ANXA7: variants seen among roughly 807,000 people sequenced by gnomAD.
ANXA7 encodes annexin A7.
ANXA7 carries 55 observed loss-of-function variants against 64.9 expected under a neutral mutation model. The observed-to-expected ratio is 0.85, with a 90% CI of 0.68 to 1.06. The LOEUF is 1.06. Ranked by LOEUF, ANXA7 falls within the 50% of genes least tolerant of loss-of-function variation. ANXA7 has a pLI of 0.00. For missense variants in ANXA7, 548 were observed against 582.1 expected, an observed-to-expected ratio of 0.94 and a Z score of 0.60; for synonymous variants, 200 against 192.4, an observed-to-expected ratio of 1.04 and a Z score of -0.33.
rs1435766139 is a variant in ANXA7 at position 73,398,127 on chromosome 10, G to A, written c.259+54C>T. ...GGAATGAAGAGGATAAAGGGAGAAG[G>A]AAAAAGTGCTACAGCAATCCCAATC... On this transcript the variant is annotated intron_variant, in intron 3 of 12. Transcript: ENST00000372921. The A allele has an allele frequency of 7.8e-6, 12 of 1,545,306 alleles. No individual in the cohort carries two copies. In the East Asian group the frequency reaches 1.8e-4, roughly 23 times the overall value.
chr10:73,382,338 CT>C (rs974086938), intron 9 of ANXA7, among the ~76,000 whole-genome samples: 6 of 151,814 alleles, frequency 4.0e-5, no homozygotes, highest in Non-Finnish European at 5.9e-5. Context: ...TGCTTCTTTT[CT>C]TTTTTTCTTT....
chr10:73,391,147 C>T (rs2055475387), intron 5 of ANXA7, among the ~76,000 whole-genome samples: 1 of 141,418 alleles, frequency 7.1e-6, no homozygotes, highest in Non-Finnish European at 1.5e-5. Flanking sequence ...TCTAGCCTGG[C>T]AACAGAGTGA....
At chr10:73,407,178 G>A (rs2055770880) in intron 1 of ANXA7, among the ~76,000 whole-genome samples, 1 of 152,200 alleles carries the variant, frequency 6.6e-6, no homozygotes, top group African/African-American at 2.4e-5. Flanking sequence ...CTGGGTTCAA[G>A]CGATTCTCCT....
intron 1 of ANXA7, among the ~76,000 whole-genome samples, chr10:73,404,737 A>G (rs1257090082): frequency 6.6e-6 from 1 of 151,296 alleles, no homozygotes; most frequent in African/African-American, 2.4e-5. Context: ...TATCTTTTGC[A>G]TTTGAAGAAA....
intron 5 of ANXA7, among the ~76,000 whole-genome samples, chr10:73,393,941 C>G (rs1476544416): frequency 6.6e-6 from 1 of 152,056 alleles, no homozygotes; most frequent in Non-Finnish European, 1.5e-5. Context: ...AATGGGAGAA[C>G]ATTTTTGCAA....
At chr10:73,412,824 T>C (rs1465205171) in intron 1 of ANXA7, among the ~76,000 whole-genome samples, 1 of 147,906 alleles carries the variant, frequency 6.8e-6, no homozygotes, top group African/African-American at 2.6e-5. Context: ...AAACATTCTC[T>C]GTTAGCAATC....
rs1029622108 is a variant in ANXA7, at chr10:73,410,459, C to T, written c.-2+3553G>A. ...CAAATTAACCACAATGAGATACCAC[C>T]GTGCTCCTACAGGAATGGTTATTCT... On this transcript the variant is annotated intron_variant, in intron 1 of 12. Coordinates refer to ENST00000372921, the MANE Select transcript of ANXA7 (RefSeq NM_001156.5). Among the ~76,000 whole-genome samples the T allele has an allele frequency of 3.9e-5, 6 of 152,112 alleles. No homozygotes were observed. In the South Asian group the frequency reaches 6.2e-4, roughly 16 times the overall value.
At chr10:73,398,148 C>A in intron 3 of ANXA7, 33 bp downstream of exon 3, 1 of 1,586,278 alleles carries the variant, frequency 6.3e-7, no homozygotes, top group Non-Finnish European at 8.6e-7. Context: ...ACAGCAATCC[C>A]AATCATTACT....
chr10:73,376,318 G>A, intron 12 of ANXA7, 101 bp from the exon 13 acceptor site: 2 of 1,177,474 alleles, frequency 1.7e-6, no homozygotes, highest in Non-Finnish European at 1.1e-6. Context: ...ATCAAAACTT[G>A]GGGGGGAAAA....
intron 12 of ANXA7, among the ~76,000 whole-genome samples, chr10:73,377,948 T>C (rs1290082825): frequency 1.3e-5 from 2 of 149,382 alleles, no homozygotes; most frequent in African/African-American, 5.1e-5. Flanking sequence ...CGTGTGTTTT[T>C]TGTAGAAATA....
Position 73,398,178 on chromosome 10 carries a change from C to T in ANXA7, c.259+3G>A. On this transcript the variant is annotated splice_donor_region_variant and intron_variant, in intron 3 of 12. Transcript: ENST00000372921. ...ATTACTAATTCCGCAACCCGTAACT[C>T]ACCTCCGGGATAGGATGGAGCTCCC... 1 of 1,606,296 alleles carries T rather than the reference C, an allele frequency of 6.2e-7. No individual in the cohort carries two copies. Among genetic ancestry groups the T allele is most frequent in the South Asian group, 1.1e-5 (1 of 90,900 alleles).
At chr10:73,394,164 T>C (rs1286271456) in intron 5 of ANXA7, among the ~76,000 whole-genome samples, 3 of 151,968 alleles carry the variant, frequency 2.0e-5, no homozygotes, top group African/African-American at 4.8e-5. Flanking sequence ...CAATGAGATA[T>C]CATCTCACAC....
At chr10:73,381,981 C>A (rs566647097) in intron 9 of ANXA7, among the ~76,000 whole-genome samples, 1 of 151,896 alleles carries the variant, frequency 6.6e-6, no homozygotes, top group Non-Finnish European at 1.5e-5. Flanking sequence ...CGGGTTCAAG[C>A]GATTCTGCTG....
At position 73,398,194 on chromosome 10, in the gene ANXA7, T is replaced by C; in HGVS notation, c.246A>G (p.Pro82=). The change falls in exon 3 of 13, where the codon CCA becomes CCG. Residue 82 remains proline (P), a synonymous_variant. Transcript: ENST00000372921. Reference sequence around the variant, plus strand: ...CCCGTAACTCACCTCCGGGATAGGATGGAGCTCCCCCTGGCTGTGGGGCAC... The same window carrying C: ...CCCGTAACTCACCTCCGGGATAGGACGGAGCTCCCCCTGGCTGTGGGGCAC... The part of the protein sequence containing the change: ...YPGAPQPGGA[P]SYPGVPPGQG... 1 of 1,612,036 alleles carries C rather than the reference T, an allele frequency of 6.2e-7. No homozygotes were observed.
At chr10:73,401,267 C>CACACACACA (rs1554818179) in intron 1 of ANXA7, among the ~76,000 whole-genome samples, 4,495 of 147,578 alleles carry the variant, frequency 0.03, 222 homozygotes, top group African/African-American at 0.11. Flanking sequence ...ATACACAACA[C>CACACACACA]ACACACACAC....
intron 9 of ANXA7, among the ~76,000 whole-genome samples, chr10:73,381,003 T>C (rs2055266267): frequency 6.6e-6 from 1 of 152,076 alleles, no homozygotes; most frequent in Non-Finnish European, 1.5e-5. Context: ...GGATATAATA[T>C]GGAGGCTTCA....
At chr10:73,399,781 C>G (rs1203961002) in intron 2 of ANXA7, among the ~76,000 whole-genome samples, 1 of 151,586 alleles carries the variant, frequency 6.6e-6, no homozygotes, top group Non-Finnish European at 1.5e-5. Flanking sequence ...GAGATCACAC[C>G]ACTGCACTCT....
chr10:73,387,592 G>T, intron 7 of ANXA7, 97 bp downstream of exon 7: 1 of 925,556 alleles, frequency 1.1e-6, no homozygotes, highest in Non-Finnish European at 1.8e-6. Context: ...TCCCTCTTTT[G>T]CACCACAGGT....
chr10:73,389,848 T>C (rs150690900), intron 5 of ANXA7, among the ~76,000 whole-genome samples: 2 of 152,284 alleles, frequency 1.3e-5, no homozygotes, highest in African/African-American at 4.8e-5. Context: ...TGGTATCGAA[T>C]TCTTGGCCTC....
Sources: gnomAD v4.1 joint callset for allele counts (sites outside exome capture counted in the v4.1 genomes callset) on GRCh38, gnomAD v4.1.1 for gene constraint, MANE v1.5 for transcripts, NCBI Gene and HGNC (gene_info 2026-07-23, HGNC 2026-07-21) for gene names.